The following EIF4E variants were observed in gnomAD, a reference collection of about 807,000 sequenced individuals.
EIF4E encodes eukaryotic translation initiation factor 4E.
For synonymous variants in EIF4E, 71 were observed against 88.5 expected, an observed-to-expected ratio of 0.80 and a Z score of 1.11; for missense variants, 113 against 265.6, an observed-to-expected ratio of 0.43 and a Z score of 3.99.
intron 1 of EIF4E, among the ~76,000 whole-genome samples, chr4:98,919,895 G>C (rs1027019999): frequency 2.0e-5 from 3 of 152,016 alleles, no homozygotes; most frequent in Non-Finnish European, 2.9e-5. Flanking sequence ...TGCACAATTA[G>C]GTAGCCATTA....
chr4:98,899,002 C>T (rs1560641842), intron 2 of EIF4E, among the ~76,000 whole-genome samples: 1 of 151,210 alleles, frequency 6.6e-6, no homozygotes, highest in African/African-American at 2.4e-5. Flanking sequence ...ATATGAAACC[C>T]AGAAACCACT....
intron 1 of EIF4E, among the ~76,000 whole-genome samples, chr4:98,928,173 C>A (rs1456779031): frequency 6.6e-6 from 1 of 152,166 alleles, no homozygotes; most frequent in Admixed American, 6.5e-5. Flanking sequence ...CTGAGGCGTG[C>A]GCACTACGCG....
In EIF4E at chr4:98,879,311, T is replaced by G. The variant is rs1723577522; in HGVS notation, c.*1717A>C. On this transcript the variant is annotated 3_prime_UTR_variant, in exon 7 of 7. Transcript: ENST00000450253. ...TTCATGTTTATTTCATACAGGGTTT[T>G]TGTCAAGTTTATCAGTTTTAAAATG... The G allele has an allele frequency of 1.3e-5, 2 of 152,176 alleles. No homozygotes were observed. The highest frequency in any genetic ancestry group is 1.3e-4 in the Admixed American group (2 of 15,280). The allele number at this position is 152,176 out of a possible 1,614,324, so 9.4% of individuals were successfully genotyped here.
intron 1 of EIF4E, among the ~76,000 whole-genome samples, chr4:98,917,975 T>G (rs148825139): frequency 1.3e-5 from 2 of 151,498 alleles, no homozygotes; most frequent in Non-Finnish European, 2.9e-5. Flanking sequence ...ACTTGGGAGG[T>G]TGAGGCAGGA....
intron 3 of EIF4E, 94 bp from the exon 4 acceptor site, chr4:98,888,046 TAAAC>T (rs1232962463): frequency 1.9e-6 from 2 of 1,070,522 alleles, no homozygotes; most frequent in African/African-American, 3.2e-5. Context: ...ATGATGAAAA[TAAAC>T]AGATAAAAGT....
intron 1 of EIF4E, among the ~76,000 whole-genome samples, chr4:98,919,791 T>G (rs963180731): frequency 3.3e-5 from 5 of 152,038 alleles, no homozygotes; most frequent in African/African-American, 9.7e-5. Flanking sequence ...ACTCCTGACC[T>G]CAAGTGCTCC....
chr4:98,888,621 C>G (rs1303575422), intron 3 of EIF4E, among the ~76,000 whole-genome samples: 1 of 152,126 alleles, frequency 6.6e-6, no homozygotes, highest in Non-Finnish European at 1.5e-5. Context: ...ATCAAAATAA[C>G]AGAATAACAT....
intron 1 of EIF4E, among the ~76,000 whole-genome samples, chr4:98,927,687 G>C (rs1318543428): frequency 5.1e-5 from 3 of 58,978 alleles, no homozygotes; most frequent in Admixed American, 3.3e-4. Context: ...AAAAAAAAAA[G>C]TCTTTAAAAG....
At chr4:98,914,280 CAGG>C (rs1357690580) in intron 1 of EIF4E, among the ~76,000 whole-genome samples, 1 of 145,828 alleles carries the variant, frequency 6.9e-6, no homozygotes, top group Non-Finnish European at 1.5e-5. Flanking sequence ...CACTTGAACC[CAGG>C]AGGAGGAGGT....
intron 2 of EIF4E, among the ~76,000 whole-genome samples, chr4:98,892,335 A>AAC (rs201097099): frequency 9.0e-5 from 8 of 88,620 alleles, no homozygotes; most frequent in Middle Eastern, 5.4e-3. Context: ...AAACAAAAAA[A>AAC]CAAACAAAAA....
intron 1 of EIF4E, among the ~76,000 whole-genome samples, chr4:98,915,601 C>T (rs189449314): frequency 2.7e-5 from 4 of 150,578 alleles, no homozygotes; most frequent in East Asian, 2.0e-4. Context: ...AGTGCAATGG[C>T]GTGATCTTGG....
At chr4:98,886,299 C>A in intron 5 of EIF4E, 1 of 264,278 alleles carries the variant, frequency 3.8e-6, no homozygotes, top group Non-Finnish European at 7.7e-6. Context: ...CCTCTGTCTA[C>A]AGAAAATGCT....
chr4:98,913,245 T>C (rs1170786142), intron 1 of EIF4E, among the ~76,000 whole-genome samples: 1 of 152,258 alleles, frequency 6.6e-6, no homozygotes, highest in African/African-American at 2.4e-5. Flanking sequence ...TTTTCAAAAG[T>C]TAAAGGTTAT....
intron 6 of EIF4E, 33 bp downstream of exon 6, chr4:98,884,889 C>A: frequency 1.2e-6 from 2 of 1,610,528 alleles, no homozygotes; most frequent in Non-Finnish European, 1.7e-6. Flanking sequence ...CATCTTAATA[C>A]TGTAAAATAA....
intron 5 of EIF4E, chr4:98,886,778 A>T: frequency 2.6e-6 from 1 of 379,348 alleles, no homozygotes; most frequent in Admixed American, 3.7e-5. Context: ...GGTTGCAAAA[A>T]CTTCAATCAT....
intron 1 of EIF4E, among the ~76,000 whole-genome samples, chr4:98,917,577 C>G (rs1056677564): frequency 6.6e-6 from 1 of 151,776 alleles, no homozygotes; most frequent in Non-Finnish European, 1.5e-5. Flanking sequence ...TTAGTTTTTT[C>G]AAAACTAAAC....
intron 6 of EIF4E, among the ~76,000 whole-genome samples, chr4:98,883,430 G>T (rs1445462787): frequency 1.2e-4 from 13 of 111,060 alleles, no homozygotes; most frequent in Non-Finnish European, 1.7e-4. Context: ...AGACAGTCTC[G>T]CTCTGTCTCC....
At chr4:98,917,083 A>AC in intron 1 of EIF4E, among the ~76,000 whole-genome samples, 1 of 102,992 alleles carries the variant, frequency 9.7e-6, no homozygotes, top group Non-Finnish European at 1.8e-5. Flanking sequence ...ACCTTTTCTA[A>AC]ACACACACAC....
chr4:98,883,019 A>G (rs921854251), intron 6 of EIF4E, among the ~76,000 whole-genome samples: 3 of 152,104 alleles, frequency 2.0e-5, no homozygotes, highest in African/African-American at 7.2e-5. Context: ...AGAGCAATGG[A>G]TCACGCCTGA....
Sources: gnomAD v4.1 joint callset for allele counts (sites outside exome capture counted in the v4.1 genomes callset) on GRCh38, gnomAD v4.1.1 for gene constraint, MANE v1.5 for transcripts, NCBI Gene and HGNC (gene_info 2026-07-23, HGNC 2026-07-21) for gene names.